Variants in GLRB observed in about 807,000 individuals in gnomAD.
GLRB encodes glycine receptor beta, also known as glycine receptor subunit beta.
A neutral mutation model predicts 54.2 loss-of-function variants in GLRB; 33 were observed. The observed-to-expected ratio is 0.61, with a 90% CI of 0.46 to 0.81. The LOEUF is 0.81. GLRB is among the 40% of genes least tolerant of loss of function. The pLI is 0.00. For synonymous variants in GLRB, 209 were observed against 208.2 expected (o/e 1.00, Z -0.03); for missense variants, 572 against 584.6 (o/e 0.98, Z 0.22).
Position 157,143,823 on chromosome 4 carries a change from G to A in GLRB, c.768G>A (p.Val256=). The A allele has an allele frequency of 6.2e-7, 1 of 1,613,468 alleles. No homozygotes were observed. The highest frequency in any genetic ancestry group is 1.1e-5 in the South Asian group (1 of 91,036). ...YYKGTGYYTC[V]EVIFTLRRQV... ...TTCTGAAAGGCTACTACACATGCGT[G>A]GAAGTCATCTTCACCCTGAGGAGGC... is the stretch of plus-strand genomic sequence containing the variant. Residue 256 remains valine (V), a synonymous_variant, in exon 8 of 10, where the codon GTG becomes GTA. Coordinates refer to ENST00000264428, the MANE Select transcript of GLRB (RefSeq NM_000824.5).
At chr4:157,150,874 T>A (rs915383436) in intron 8 of GLRB, among the ~76,000 whole-genome samples, 3 of 152,052 alleles carry the variant, frequency 2.0e-5, no homozygotes, top group Non-Finnish European at 4.4e-5. Flanking sequence ...TATACTTTGT[T>A]TCCCCAACTA....
At chr4:157,127,590 A>G (rs1736060712) in intron 4 of GLRB, among the ~76,000 whole-genome samples, 1 of 151,854 alleles carries the variant, frequency 6.6e-6, no homozygotes, top group African/African-American at 2.4e-5. Flanking sequence ...ATATTTGGAG[A>G]TCGGGGGAGA....
intron 9 of GLRB, among the ~76,000 whole-genome samples, chr4:157,162,609 C>T (rs562621657): frequency 5.5e-4 from 84 of 152,244 alleles, no homozygotes; most frequent in Admixed American, 2.7e-3. Flanking sequence ...CACTCCAGCC[C>T]CTGTTTGCCT....
intron 9 of GLRB, among the ~76,000 whole-genome samples, chr4:157,153,929 A>G (rs1737124572): frequency 6.6e-6 from 1 of 152,224 alleles, no homozygotes; most frequent in Non-Finnish European, 1.5e-5. Flanking sequence ...ATGCTAGACT[A>G]GTATACCGCA....
chr4:157,157,349 T>C (rs1737272420), intron 9 of GLRB, among the ~76,000 whole-genome samples: 1 of 151,584 alleles, frequency 6.6e-6, no homozygotes, highest in Admixed American at 6.6e-5. Context: ...CACAGACTTT[T>C]AATTATTACA....
chr4:157,114,520 T>C (rs1735536885), intron 2 of GLRB, among the ~76,000 whole-genome samples: 1 of 151,852 alleles, frequency 6.6e-6, no homozygotes, highest in African/African-American at 2.4e-5. Context: ...ATTAATAGAA[T>C]ATTAATAAGT....
chr4:157,163,641 G>A (rs905644393), intron 9 of GLRB, among the ~76,000 whole-genome samples: 16 of 152,106 alleles, frequency 1.1e-4, no homozygotes, highest in Middle Eastern at 3.4e-3. Context: ...GCTAAACATC[G>A]GAGGCTGTTG....
intron 2 of GLRB, among the ~76,000 whole-genome samples, chr4:157,114,591 A>G (rs889847336): frequency 6.6e-6 from 1 of 151,444 alleles, no homozygotes; most frequent in Non-Finnish European, 1.5e-5. Flanking sequence ...CTGTCACAGG[A>G]TCCCTTCCAG....
chr4:157,134,958 C>T (rs1736348387), intron 4 of GLRB, among the ~76,000 whole-genome samples: 1 of 152,024 alleles, frequency 6.6e-6, no homozygotes, highest in Non-Finnish European at 1.5e-5. Context: ...CATATGAAAG[C>T]ATCAGGAGAG....
intron 9 of GLRB, among the ~76,000 whole-genome samples, chr4:157,158,754 G>T (rs2126615275): frequency 6.6e-6 from 1 of 152,302 alleles, no homozygotes; most frequent in African/African-American, 2.4e-5. Context: ...AGAGTTTAAA[G>T]TCAGGTAGCG....
At chr4:157,079,493 C>T (rs142994762) in intron 2 of GLRB, among the ~76,000 whole-genome samples, 81 of 152,266 alleles carry the variant, frequency 5.3e-4, no homozygotes, top group African/African-American at 1.9e-3. Context: ...TTAAATTCAG[C>T]TCCATGTGAA....
intron 9 of GLRB, among the ~76,000 whole-genome samples, chr4:157,162,506 AGGTGCGGTTTTG>A (rs1297352316): frequency 1.3e-5 from 2 of 152,142 alleles, no homozygotes; most frequent in African/African-American, 4.8e-5. Context: ...GGTGACATAC[AGGTGCGGTTTTG>A]GTGTGTATGT....
At chr4:157,087,993 A>T (rs2126441917) in intron 2 of GLRB, among the ~76,000 whole-genome samples, 1 of 152,266 alleles carries the variant, frequency 6.6e-6, no homozygotes, top group South Asian at 2.1e-4. Context: ...GAAGCCAATT[A>T]TTCAAATTTA....
At chr4:157,122,729 A>G (rs1444871721) in intron 4 of GLRB, among the ~76,000 whole-genome samples, 1 of 151,788 alleles carries the variant, frequency 6.6e-6, no homozygotes, top group Non-Finnish European at 1.5e-5. Flanking sequence ...ATATGCTTAT[A>G]TGTTGGAACA....
chr4:157,078,249 T>C, intron 2 of GLRB, 103 bp downstream of exon 2: 2 of 1,560,114 alleles, frequency 1.3e-6, no homozygotes, highest in Non-Finnish European at 1.7e-6. Context: ...ACTTTTCATA[T>C]CGGAATGTAT....
intron 9 of GLRB, among the ~76,000 whole-genome samples, chr4:157,163,643 AG>A (rs1272214728): frequency 3.3e-5 from 5 of 152,008 alleles, no homozygotes; most frequent in South Asian, 2.1e-4. Flanking sequence ...TAAACATCGG[AG>A]GCTGTTGGGG....
At chr4:157,108,819 G>A (rs1479230953) in intron 2 of GLRB, among the ~76,000 whole-genome samples, 1 of 152,006 alleles carries the variant, frequency 6.6e-6, no homozygotes, top group African/African-American at 2.4e-5. Flanking sequence ...AGACACATCT[G>A]CCATACAAGG....
intron 8 of GLRB, among the ~76,000 whole-genome samples, chr4:157,144,723 T>C (rs1166661458): frequency 6.6e-6 from 1 of 152,242 alleles, no homozygotes. Context: ...CTGTGAACTG[T>C]CTGACCTCCT....
chr4:157,168,432 T>C (rs1737797484), intron 9 of GLRB, among the ~76,000 whole-genome samples: 1 of 152,130 alleles, frequency 6.6e-6, no homozygotes, highest in Admixed American at 6.5e-5. Flanking sequence ...TCATATAAAC[T>C]TCTGTCACTT....
Sources: allele counts gnomAD v4.1 joint callset (sites outside exome capture counted in the v4.1 genomes callset), GRCh38; gene constraint gnomAD v4.1.1; transcripts MANE v1.5; gene names NCBI Gene and HGNC (gene_info 2026-07-23, HGNC 2026-07-21).